TAF3: variants seen among roughly 807,000 people sequenced by gnomAD.
The protein encoded by TAF3 is TATA-box binding protein associated factor 3, also known as transcription initiation factor TFIID subunit 3.
In TAF3, 7 loss-of-function variants were observed where a neutral mutation model predicts 80.6. That is an observed-to-expected ratio of 0.09 (90% CI 0.05 to 0.16). TAF3 has a LOEUF of 0.16. Ranked by LOEUF, TAF3 falls within the 10% of genes least tolerant of loss-of-function variation. The pLI is 1.00. For synonymous variants in TAF3, 444 were observed against 446.1 expected, an observed-to-expected ratio of 1.00 and a Z score of 0.06; for missense variants, 921 against 1,140.2, an observed-to-expected ratio of 0.81 and a Z score of 2.77.
chr10:7,839,896 A>G (rs1836893584), intron 2 of TAF3, among the ~76,000 whole-genome samples: 3 of 152,334 alleles, frequency 2.0e-5, no homozygotes. Flanking sequence ...GTCAGCAGTC[A>G]GCATGGAGAG....
intron 2 of TAF3, among the ~76,000 whole-genome samples, chr10:7,852,612 A>T (rs1837039337): frequency 6.6e-6 from 1 of 152,234 alleles, no homozygotes; most frequent in African/African-American, 2.4e-5. Context: ...TGTTTTGGCA[A>T]GACTACTTCA....
intron 2 of TAF3, among the ~76,000 whole-genome samples, chr10:7,888,072 C>T (rs1017628274): frequency 6.6e-6 from 1 of 152,168 alleles, no homozygotes; most frequent in Non-Finnish European, 1.5e-5. Context: ...GCCGTCAACT[C>T]TCATCCCCAG....
intron 4 of TAF3, among the ~76,000 whole-genome samples, chr10:8,008,638 C>A (rs1373849053): frequency 1.3e-5 from 2 of 152,124 alleles, no homozygotes; most frequent in African/African-American, 2.4e-5. Context: ...TCTTTCTTGC[C>A]CATCTCCAGT....
At chr10:7,910,214 G>A (rs1837644794) in intron 2 of TAF3, among the ~76,000 whole-genome samples, 1 of 152,008 alleles carries the variant, frequency 6.6e-6, no homozygotes, top group South Asian at 2.1e-4. Flanking sequence ...CTTATACTGA[G>A]CACTTAGTAT....
chr10:7,828,072 A>T (rs1298924445), intron 2 of TAF3, among the ~76,000 whole-genome samples: 2 of 152,196 alleles, frequency 1.3e-5, no homozygotes, highest in Non-Finnish European at 2.9e-5. Flanking sequence ...TCACGCTATA[A>T]GGGGAATCGG....
Position 7,965,067 on chromosome 10 carries a change from G to T in TAF3, c.1557G>T (p.Val519=). The T allele has an allele frequency of 6.2e-7, 1 of 1,613,944 alleles. No individual in the cohort carries two copies. The highest frequency in any genetic ancestry group is 8.5e-7 in the Non-Finnish European group (1 of 1,180,026). ...AGAAAACCAAGCTGCCTTCCTCCGTGGAGGTAAAGAAGAAGTTGAAAAAGG... is the reference window on the plus strand; with the variant it reads ...AGAAAACCAAGCTGCCTTCCTCCGTTGAGGTAAAGAAGAAGTTGAAAAAGG... ...YEEKTKLPSS[V]EVKKKLKKEL... is the part of the protein sequence containing the mutation. Residue 519 remains valine (V), a synonymous_variant, in exon 3 of 7, where the codon GTG becomes GTT. Transcript: ENST00000344293.
intron 2 of TAF3, among the ~76,000 whole-genome samples, chr10:7,882,317 A>G (rs1365683252): frequency 1.3e-5 from 2 of 152,222 alleles, no homozygotes; most frequent in Non-Finnish European, 2.9e-5. Flanking sequence ...CAAGACATAC[A>G]TATACTTCAC....
intron 2 of TAF3, among the ~76,000 whole-genome samples, chr10:7,840,301 C>T (rs945547824): frequency 6.6e-6 from 1 of 151,704 alleles, no homozygotes; most frequent in Admixed American, 6.6e-5. Flanking sequence ...TACAGGCGCC[C>T]GCCACCACGC....
chr10:7,884,297 T>C (rs1388808032), intron 2 of TAF3, among the ~76,000 whole-genome samples: 2 of 152,068 alleles, frequency 1.3e-5, no homozygotes, highest in African/African-American at 4.8e-5. Context: ...CTTTGGACAG[T>C]CCCTTACTTT....
intron 3 of TAF3, among the ~76,000 whole-genome samples, chr10:7,966,172 G>A (rs1831569461): frequency 6.6e-6 from 1 of 152,250 alleles, no homozygotes; most frequent in South Asian, 2.1e-4. Context: ...TAAGAGGACA[G>A]CAAGGCCCGT....
chr10:7,904,492 A>G (rs1837588941), intron 2 of TAF3, among the ~76,000 whole-genome samples: 1 of 29,058 alleles, frequency 3.4e-5, no homozygotes, highest in African/African-American at 8.6e-5. Flanking sequence ...AGTGCCTGAT[A>G]CACGCATTTA....
At chr10:7,823,868 T>A (rs1836714118) in intron 1 of TAF3, among the ~76,000 whole-genome samples, 1 of 151,694 alleles carries the variant, frequency 6.6e-6, no homozygotes, top group East Asian at 1.9e-4. Context: ...CCCTTGACCT[T>A]GTGATCCGCC....
chr10:7,930,120 C>G (rs906898771), intron 2 of TAF3, among the ~76,000 whole-genome samples: 1 of 152,074 alleles, frequency 6.6e-6, no homozygotes, highest in Non-Finnish European at 1.5e-5. Context: ...ATCACTTGAG[C>G]CCAGGGAAGT....
At chr10:7,829,958 A>G (rs1040367744) in intron 2 of TAF3, among the ~76,000 whole-genome samples, 1 of 152,228 alleles carries the variant, frequency 6.6e-6, no homozygotes, top group African/African-American at 2.4e-5. Flanking sequence ...GAAAAAATTA[A>G]CAAAAGTAAT....
chr10:7,906,061 C>T (rs771765717), intron 2 of TAF3, among the ~76,000 whole-genome samples: 2 of 152,168 alleles, frequency 1.3e-5, no homozygotes, highest in Non-Finnish European at 2.9e-5. Flanking sequence ...ATTAAAAGTG[C>T]TCGTGGATAA....
At chr10:7,903,434 C>A (rs540839650) in intron 2 of TAF3, among the ~76,000 whole-genome samples, 2 of 152,264 alleles carry the variant, frequency 1.3e-5, no homozygotes, top group Admixed American at 1.3e-4. Flanking sequence ...AACTCTTTCT[C>A]CAGGAAGCTC....
intron 4 of TAF3, 106 bp from the exon 5 acceptor site, chr10:8,008,972 A>T (rs1832023911): frequency 3.5e-6 from 5 of 1,444,106 alleles, no homozygotes; most frequent in Middle Eastern, 3.7e-4. Flanking sequence ...ACGTTGAAGT[A>T]TTTCGCTACT....
intron 3 of TAF3, among the ~76,000 whole-genome samples, chr10:7,974,818 G>A (rs992108491): frequency 2.0e-5 from 3 of 152,250 alleles, no homozygotes; most frequent in Admixed American, 6.5e-5. Flanking sequence ...GCTCACACCC[G>A]TAATCCCAGC....
At chr10:7,999,487 C>T (rs1299187423) in intron 4 of TAF3, among the ~76,000 whole-genome samples, 3 of 145,336 alleles carry the variant, frequency 2.1e-5, no homozygotes, top group East Asian at 2.0e-4. Context: ...GATGGAGTCT[C>T]GCTTTGTTTC....
Sources: allele counts gnomAD v4.1 joint callset (sites outside exome capture counted in the v4.1 genomes callset), GRCh38; gene constraint gnomAD v4.1.1; transcripts MANE v1.5; gene names NCBI Gene and HGNC (gene_info 2026-07-23, HGNC 2026-07-21).